LRRC49: variants seen among roughly 807,000 people sequenced by gnomAD.
LRRC49 encodes leucine rich repeat containing 49.
In LRRC49, 50 loss-of-function variants were observed where a neutral mutation model predicts 83.3. The observed-to-expected ratio is 0.60, with a 90% confidence interval of 0.48 to 0.76. The LOEUF is 0.76. Among genes scored for constraint, LRRC49 ranks in the 30% least tolerant of loss-of-function variants. The pLI is 0.00. For synonymous variants in LRRC49, 286 were observed against 283.3 expected (o/e 1.01, Z -0.10); for missense variants, 704 against 809.1 (o/e 0.87, Z 1.58).
chr15:71,005,626 A>G (rs1266311279), intron 11 of LRRC49, among the ~76,000 whole-genome samples: 2 of 152,182 alleles, frequency 1.3e-5, no homozygotes, highest in African/African-American at 4.8e-5. Flanking sequence ...AAAGTGAGCA[A>G]TAATTTTGCT....
intron 14 of LRRC49, among the ~76,000 whole-genome samples, chr15:71,026,150 G>A (rs900803752): frequency 6.6e-6 from 1 of 151,008 alleles, no homozygotes; most frequent in Non-Finnish European, 1.5e-5. Context: ...TCCCACCTAT[G>A]AGTGAGAACA....
At chr15:71,007,799 G>A (rs1470680648) in intron 11 of LRRC49, among the ~76,000 whole-genome samples, 1 of 146,552 alleles carries the variant, frequency 6.8e-6, no homozygotes, top group Non-Finnish European at 1.5e-5. Flanking sequence ...TTCAAAGTGA[G>A]GAGGAAATCT....
At chr15:70,853,977 C>A in intron 1 of LRRC49, 3 of 1,462,154 alleles carry the variant, frequency 2.1e-6, no homozygotes, top group Non-Finnish European at 2.7e-6. Context: ...CGAGTCTCCG[C>A]CCCCTCCTCC....
At chr15:70,871,472 C>T (rs1339177279) in intron 1 of LRRC49, among the ~76,000 whole-genome samples, 1 of 152,358 alleles carries the variant, frequency 6.6e-6, no homozygotes, top group East Asian at 1.9e-4. Context: ...TTGGGCACAC[C>T]TCCCAGACCA....
intron 11 of LRRC49, among the ~76,000 whole-genome samples, chr15:71,002,864 T>C (rs1197234967): frequency 6.6e-6 from 1 of 151,428 alleles, no homozygotes; most frequent in Non-Finnish European, 1.5e-5. Context: ...GCTTTCAGAG[T>C]CATTATTGCA....
chr15:70,892,461 T>G (rs1319286490), upstream of LRRC49: 3 of 1,532,968 alleles, frequency 2.0e-6, no homozygotes, highest in Non-Finnish European at 2.6e-6. Context: ...GGCTCTTTGA[T>G]ATCTTCCTCC....
intron 8 of LRRC49, among the ~76,000 whole-genome samples, chr15:70,955,082 G>A (rs761924356): frequency 2.6e-5 from 4 of 152,048 alleles, no homozygotes; most frequent in Non-Finnish European, 4.4e-5. Context: ...CCATGGGTGG[G>A]TGGGTTGCTC....
chr15:71,023,451 A>G (rs916236585), intron 14 of LRRC49, among the ~76,000 whole-genome samples: 19 of 152,036 alleles, frequency 1.2e-4, no homozygotes, highest in Admixed American at 1.2e-3. Context: ...GTGGTTGGAG[A>G]CTCCCACTGA....
intron 14 of LRRC49, among the ~76,000 whole-genome samples, chr15:71,021,963 C>T (rs756800492): frequency 2.0e-5 from 3 of 152,132 alleles, no homozygotes; most frequent in South Asian, 2.1e-4. Context: ...GTAGGCCTTA[C>T]GTAATTGTAA....
chr15:70,892,518 G>A (rs1379365351), upstream of LRRC49: 5 of 1,521,736 alleles, frequency 3.3e-6, no homozygotes, highest in East Asian at 1.0e-4. Context: ...CACAAGCAGA[G>A]GGATACAAAT....
intron 14 of LRRC49, among the ~76,000 whole-genome samples, chr15:71,032,550 G>A (rs147486685): frequency 5.3e-5 from 8 of 152,100 alleles, no homozygotes; most frequent in East Asian, 1.9e-4. Flanking sequence ...CCTGGCAGAG[G>A]TACAACAAAA....
At chr15:71,017,038 A>T (rs1289224521) in intron 14 of LRRC49, among the ~76,000 whole-genome samples, 1 of 124,724 alleles carries the variant, frequency 8.0e-6, no homozygotes, top group Non-Finnish European at 1.8e-5. Context: ...TGAGCCTGGG[A>T]GGCTGAGGCT....
At chr15:70,904,782 G>A (rs1246344652) in intron 5 of LRRC49, 27 bp downstream of exon 5, 1 of 1,532,048 alleles carries the variant, frequency 6.5e-7, no homozygotes, top group East Asian at 2.3e-5. Context: ...AGTTTTTGTA[G>A]CCTAATGTTA....
intron 2 of LRRC49, among the ~76,000 whole-genome samples, chr15:70,884,659 TA>T (rs1429152886): frequency 6.6e-6 from 1 of 152,214 alleles, no homozygotes; most frequent in Non-Finnish European, 1.5e-5. Flanking sequence ...CAATTTTCAC[TA>T]GCTATATCTA....
At chr15:71,008,667 G>A (rs1352876111) in intron 12 of LRRC49, 51 bp downstream of exon 12, 2 of 1,332,328 alleles carry the variant, frequency 1.5e-6, no homozygotes, top group Admixed American at 3.5e-5. Context: ...TCAATGACTT[G>A]TGTGTTCAGG....
intron 8 of LRRC49, among the ~76,000 whole-genome samples, chr15:70,944,620 G>T (rs2035944074): frequency 6.6e-6 from 1 of 152,086 alleles, no homozygotes. Flanking sequence ...GGCCATGCTG[G>T]TCTCAAACTC....
intron 11 of LRRC49, among the ~76,000 whole-genome samples, chr15:70,998,531 A>G (rs755307727): frequency 6.6e-6 from 1 of 151,738 alleles, no homozygotes; most frequent in Non-Finnish European, 1.5e-5. Context: ...ATGATTTCTG[A>G]TGAGAAATCA....
intron 15 of LRRC49, among the ~76,000 whole-genome samples, chr15:71,041,520 G>A (rs1489552887): frequency 6.6e-6 from 1 of 152,046 alleles, no homozygotes. Context: ...ACTCACAGTA[G>A]CAACACAGAA....
In LRRC49 at chr15:70,946,296, T is replaced by C. The variant is rs181369349; in HGVS notation, c.773+9474T>C. Among the ~76,000 whole-genome samples the C allele has an allele frequency of 1.7e-3, 262 of 152,302 alleles. 2 individuals are homozygous for C. The highest frequency in any genetic ancestry group is 3.2e-3 in the Non-Finnish European group (218 of 68,016). On this transcript the variant is annotated intron_variant, in intron 8 of 15. Coordinates refer to ENST00000260382, the MANE Select transcript of LRRC49 (RefSeq NM_017691.5). ...ACTACCATTCTACTCTCAGCTTCTA[T>C]GAGTTCAACTTTTTTAGATTTCTCA...
Sources: allele counts gnomAD v4.1 joint callset (sites outside exome capture counted in the v4.1 genomes callset), GRCh38; gene constraint gnomAD v4.1.1; transcripts MANE v1.5; gene names NCBI Gene and HGNC (gene_info 2026-07-23, HGNC 2026-07-21).